The following FAM114A2 variants were observed in gnomAD, a reference collection of about 807,000 sequenced individuals.
FAM114A2 encodes the protein protein FAM114A2.
In FAM114A2, 53 loss-of-function variants were observed where a neutral mutation model predicts 58.4. That is an observed-to-expected ratio of 0.91 (90% CI 0.73 to 1.14). The LOEUF (loss-of-function observed/expected upper bound fraction) is 1.14, where lower values mean the gene tolerates loss of function less well. Among genes scored for constraint, FAM114A2 ranks in the 50% most tolerant of loss-of-function variants. FAM114A2 has a pLI of 0.00. For missense variants in FAM114A2, 601 were observed against 581.1 expected (o/e 1.03, Z -0.35); for synonymous variants, 228 against 211.4 (o/e 1.08, Z -0.68).
chr5:154,002,742 G>T, intron 10 of FAM114A2, 105 bp downstream of exon 10: 2 of 1,137,370 alleles, frequency 1.8e-6, no homozygotes, highest in Non-Finnish European at 1.3e-6. Flanking sequence ...AGATCACAAG[G>T]TTGAAATTAC....
chr5:154,031,545 T>G (rs1460926122), intron 4 of FAM114A2, among the ~76,000 whole-genome samples: 1 of 152,130 alleles, frequency 6.6e-6, no homozygotes, highest in Non-Finnish European at 1.5e-5. Flanking sequence ...TCAGGAACTT[T>G]AGAAGATAGA....
In FAM114A2 at chr5:154,034,891, A is replaced by G; in HGVS notation, c.63T>C (p.Asp21=). 6.2e-7 allele frequency: 1 copy of G among 1,614,070 alleles called. No homozygotes were observed. The change falls in exon 2 of 14, where the codon GAT becomes GAC. Residue 21 remains aspartate (D), a synonymous_variant. Transcript: ENST00000351797. ...AATTCTTGGCTGGCTCACAGTTTCC[A>G]TCTTCAAGGATGGGGGCTGCTTCAG... ...LLTEAAPILE[D]GNCEPAKNSE...
chr5:154,026,486 A>T lies in FAM114A2; in HGVS notation c.826T>A (p.Leu276Ile), dbSNP rs1445122978. ...TCTAATTCAACTTTTAGAGTCTCTA[A>T]TTCTTCTCCACTCAGAGAATTAAGG... ...SILNSLSGEE[L>I]ETLKVELEQL... Residue 276 changes from leucine (L) to isoleucine (I), a missense_variant, in exon 8 of 14, where the codon TTA becomes ATA. Leu to Ile is a conservative substitution (Grantham distance 5). Transcript: ENST00000351797. The T allele has an allele frequency of 6.4e-7, 1 of 1,564,014 alleles. No individual in the cohort carries two copies. Among genetic ancestry groups the T allele is most frequent in the African/African-American group, 1.4e-5 (1 of 72,212 alleles).
At chr5:154,021,052 AT>A (rs1771383609) in intron 8 of FAM114A2, among the ~76,000 whole-genome samples, 1 of 152,198 alleles carries the variant, frequency 6.6e-6, no homozygotes, top group African/African-American at 2.4e-5. Flanking sequence ...AAACCACATG[AT>A]TATCTCAACA....
chr5:153,999,925 GTGTGTGTGTATATATGTA>G (rs1006218998), intron 11 of FAM114A2, among the ~76,000 whole-genome samples: 7 of 152,102 alleles, frequency 4.6e-5, no homozygotes, highest in East Asian at 1.9e-4. Flanking sequence ...GTGTGTATGC[GTGTGTGTGTATATATGTA>G]TGTGTGTGTA....
intron 13 of FAM114A2, among the ~76,000 whole-genome samples, chr5:153,993,628 T>C (rs1769377760): frequency 6.6e-6 from 1 of 152,322 alleles, no homozygotes; most frequent in Non-Finnish European, 1.5e-5. Flanking sequence ...ATTTCTATCT[T>C]GAACAACATT....
intron 2 of FAM114A2, 25 bp from the exon 3 acceptor site, chr5:154,034,402 C>CA: frequency 7.1e-7 from 1 of 1,411,036 alleles, no homozygotes; most frequent in Non-Finnish European, 9.7e-7. Flanking sequence ...GGCAGAAAAA[C>CA]AAAAGGCAAA....
intron 12 of FAM114A2, among the ~76,000 whole-genome samples, chr5:153,996,675 C>A (rs1329123513): frequency 2.0e-5 from 3 of 151,670 alleles, no homozygotes; most frequent in African/African-American, 7.3e-5. Flanking sequence ...AGAAGCCAGA[C>A]AAATAGCCAA....
intron 8 of FAM114A2, among the ~76,000 whole-genome samples, chr5:154,021,096 G>A (rs1022100439): frequency 4.6e-5 from 7 of 152,022 alleles, no homozygotes; most frequent in African/African-American, 1.7e-4. Context: ...AAATTCAACA[G>A]CCCTTCATAC....
At chr5:154,038,021 A>C (rs1287998228) in intron 1 of FAM114A2, among the ~76,000 whole-genome samples, 1 of 151,990 alleles carries the variant, frequency 6.6e-6, no homozygotes, top group Non-Finnish European at 1.5e-5. Context: ...ACTCATTCAT[A>C]ATCTAGGAGA....
At position 153,997,803 on chromosome 5, in the gene FAM114A2, C is replaced by A; in HGVS notation, c.1329G>T (p.Gly443=). The A allele has an allele frequency of 6.5e-7, 1 of 1,549,908 alleles. No individual in the cohort carries two copies. Among genetic ancestry groups the A allele is most frequent in the Non-Finnish European group, 8.9e-7 (1 of 1,122,080 alleles). The change falls in exon 12 of 14, where the codon GGG becomes GGT. Residue 443 remains glycine, a splice_region_variant and synonymous_variant. Transcript: ENST00000351797. The part of the protein sequence containing the change: ...KEFTTCLTTA[G]VKEMADVLNP... Reference sequence around the variant, plus strand: ...TGCAGTAAGAGGCATGGATTCTTACCCCAGCAGTTGTTAGGCAGGTAGTGA... The same window carrying A: ...TGCAGTAAGAGGCATGGATTCTTACACCAGCAGTTGTTAGGCAGGTAGTGA...
rs1252680104 is a variant in FAM114A2 at position 154,028,295 on chromosome 5, A to C, written c.496-12T>G. Reference sequence around the variant, plus strand: ...ATAACACTCTTTCCCTAGAAAATACATGCAACCTCATTACAACAATATTAA... The same window carrying C: ...ATAACACTCTTTCCCTAGAAAATACCTGCAACCTCATTACAACAATATTAA... On this transcript the variant is annotated splice_polypyrimidine_tract_variant and intron_variant, in intron 5 of 13. Transcript: ENST00000351797. 6.4e-7 allele frequency: 1 copy of C among 1,551,700 alleles called. No homozygotes were observed. The highest frequency in any genetic ancestry group is 1.8e-5 in the Admixed American group (1 of 56,090).
intron 8 of FAM114A2, among the ~76,000 whole-genome samples, chr5:154,020,803 A>G (rs1231270228): frequency 6.6e-6 from 1 of 152,210 alleles, no homozygotes; most frequent in Non-Finnish European, 1.5e-5. Flanking sequence ...TTATGAGGTC[A>G]GCATCATCCT....
chr5:154,033,882 T>A lies in FAM114A2; in HGVS notation c.312A>T (p.Gly104=), dbSNP rs1351229646. 1 of 1,589,026 alleles carries A rather than the reference T, an allele frequency of 6.3e-7. No individual in the cohort carries two copies. The highest frequency in any genetic ancestry group is 8.6e-7 in the Non-Finnish European group (1 of 1,164,056). Residue 104 remains glycine, a splice_region_variant and synonymous_variant, in exon 4 of 14, where the codon GGA becomes GGT. Transcript: ENST00000351797. ...SSASATVATV[G]QGISNVIEKA... Reference sequence around the variant, plus strand: ...TCTCGATGACATTTGAAATGCCTTGTCCTAATGAGAAAAATAACTTTTTTT... The same window carrying A: ...TCTCGATGACATTTGAAATGCCTTGACCTAATGAGAAAAATAACTTTTTTT...
rs1581750681 is a variant in FAM114A2, at chr5:153,992,878, T to C, written c.*98A>G. The C allele has an allele frequency of 1.6e-5, 17 of 1,087,850 alleles. No homozygotes were observed. In the East Asian group the frequency reaches 4.3e-4, roughly 27 times the overall value. 67.4% of individuals were successfully genotyped at this position (1,087,850 alleles called of 1,614,324 possible). On this transcript the variant is annotated 3_prime_UTR_variant, in exon 14 of 14. Transcript: ENST00000351797. Reference sequence around the variant, plus strand: ...CATCTCTCCTGCCTGAATTTTTATATACTAAAATAACCCCACTCCTTCATT... The same window carrying C: ...CATCTCTCCTGCCTGAATTTTTATACACTAAAATAACCCCACTCCTTCATT...
intron 8 of FAM114A2, among the ~76,000 whole-genome samples, chr5:154,017,084 T>A (rs1045091684): frequency 6.6e-6 from 1 of 152,144 alleles, no homozygotes; most frequent in African/African-American, 2.4e-5. Context: ...TATATCACAA[T>A]CCTAAACATA....
At chr5:154,032,065 T>C (rs1285469618) in intron 4 of FAM114A2, among the ~76,000 whole-genome samples, 1 of 152,220 alleles carries the variant, frequency 6.6e-6, no homozygotes, top group Non-Finnish European at 1.5e-5. Flanking sequence ...GCTCTTTCCT[T>C]TTACACGTAA....
At chr5:154,007,782 G>A (rs1770450845) in intron 9 of FAM114A2, among the ~76,000 whole-genome samples, 2 of 152,296 alleles carry the variant, frequency 1.3e-5, no homozygotes, top group South Asian at 4.2e-4. Flanking sequence ...GCTGTCTTCT[G>A]TGGAGCCATC....
At chr5:154,001,032 T>C (rs1232437990) in intron 11 of FAM114A2, among the ~76,000 whole-genome samples, 1 of 152,198 alleles carries the variant, frequency 6.6e-6, no homozygotes, top group Non-Finnish European at 1.5e-5. Flanking sequence ...TTAATAATAG[T>C]TACCTAAAGT....
Sources: allele counts gnomAD v4.1 joint callset (sites outside exome capture counted in the v4.1 genomes callset), GRCh38; gene constraint gnomAD v4.1.1; transcripts MANE v1.5; gene names NCBI Gene and HGNC (gene_info 2026-07-23, HGNC 2026-07-21).